PHF14: variants seen among roughly 807,000 people sequenced by gnomAD.
The protein encoded by PHF14 is PHD finger protein 14.
A neutral mutation model predicts 117.9 loss-of-function variants in PHF14; 55 were observed. The ratio of observed to expected loss-of-function variants is 0.47; its 90% CI spans 0.38 to 0.58. The LOEUF is 0.58. PHF14 is among the 20% of genes least tolerant of loss of function. The pLI is 0.00. For missense variants in PHF14, 978 were observed against 1,122.2 expected (o/e 0.87, Z 1.84); for synonymous variants, 409 against 368.6 (o/e 1.11, Z -1.26).
intron 16 of PHF14, among the ~76,000 whole-genome samples, chr7:11,068,349 C>CA (rs10659513): frequency 0.056 from 3,711 of 65,688 alleles, 302 homozygotes; most frequent in Middle Eastern, 0.1. Context: ...GACTCCGTCT[C>CA]AAAAAAAAAA....
chr7:11,107,397 T>C (rs1787306598), intron 16 of PHF14: 1 of 845,404 alleles, frequency 1.2e-6, no homozygotes, highest in Non-Finnish European at 1.4e-6. Context: ...AAAGACCATA[T>C]ATTAAGCTAC....
intron 13 of PHF14, among the ~76,000 whole-genome samples, chr7:11,048,634 GTTA>G (rs1453500356): frequency 6.6e-6 from 1 of 152,148 alleles, no homozygotes; most frequent in East Asian, 1.9e-4. Flanking sequence ...TTTATTCTAG[GTTA>G]TTATTTCTTA....
At chr7:11,098,188 C>G (rs1258696279) in intron 16 of PHF14, among the ~76,000 whole-genome samples, 1 of 152,130 alleles carries the variant, frequency 6.6e-6, no homozygotes, top group Non-Finnish European at 1.5e-5. Flanking sequence ...TTTGATGATT[C>G]TGTTCAAAAC....
intron 17 of PHF14, among the ~76,000 whole-genome samples, chr7:11,117,952 C>G (rs1032955008): frequency 1.3e-5 from 2 of 151,684 alleles, no homozygotes; most frequent in African/African-American, 4.8e-5. Context: ...TTTTAAGTTT[C>G]TGGATTTTAT....
At chr7:11,017,839 C>G (rs1783585528) in intron 5 of PHF14, among the ~76,000 whole-genome samples, 1 of 152,028 alleles carries the variant, frequency 6.6e-6, no homozygotes, top group Non-Finnish European at 1.5e-5. Flanking sequence ...AGAAATTTTA[C>G]CCAGAGCAAT....
At chr7:11,010,096 C>G (rs1035494450) in intron 4 of PHF14, among the ~76,000 whole-genome samples, 21 of 152,010 alleles carry the variant, frequency 1.4e-4, no homozygotes, top group African/African-American at 5.1e-4. Context: ...TGTGTGGATG[C>G]ACATTTTATC....
chr7:11,068,086 C>T lies in PHF14; in HGVS notation c.2654+6001C>T, dbSNP rs376409700. ...AAATTCTGGGCCGGGTGCGGTGGCT[C>T]ACGCCTGTAATCCCAGCACTTCGGA... On this transcript the variant is annotated intron_variant, in intron 16 of 17. Coordinates refer to ENST00000634607, the MANE Select transcript of PHF14 (RefSeq NM_001007157.2). Among the ~76,000 whole-genome samples, 17 of 152,250 alleles carry T rather than the reference C, an allele frequency of 1.1e-4. 1 individual carries two copies. In the South Asian group the frequency reaches 1.7e-3, roughly 15 times the overall value.
At chr7:11,038,568 G>C (rs1784390796) in intron 10 of PHF14, among the ~76,000 whole-genome samples, 192 bp from the exon 11 acceptor site, 1 of 151,404 alleles carries the variant, frequency 6.6e-6, no homozygotes, top group Non-Finnish European at 1.5e-5. Context: ...TGCAGCAGGA[G>C]AATCGCTTGA....
Position 11,148,163 on chromosome 7 carries a change from T to C in PHF14, c.2773-21253T>C, listed in dbSNP as rs111756524. On this transcript the variant is annotated intron_variant, in intron 17 of 17. Coordinates refer to ENST00000634607, the MANE Select transcript of PHF14 (RefSeq NM_001007157.2). The stretch of plus-strand genomic sequence containing the variant: ...CTGCTTCCTTATCTCTGTATTTGTG[T>C]TCTTTCCTAATTTCTACCCATCTTT... 3.5e-4 allele frequency among the ~76,000 whole-genome samples: 54 copies of C among 152,348 alleles called. 1 individual carries two copies. Among genetic ancestry groups the C allele is most frequent in the African/African-American group, 1.3e-3 (53 of 41,590 alleles).
intron 8 of PHF14, 68 bp downstream of exon 8, chr7:11,035,854 T>G (rs1784306247): frequency 8.3e-7 from 1 of 1,207,670 alleles, no homozygotes. Flanking sequence ...ACGTCTCGTG[T>G]GGCTTCCAGT....
At chr7:10,992,112 G>T (rs1333666626) in intron 4 of PHF14, among the ~76,000 whole-genome samples, 1 of 151,476 alleles carries the variant, frequency 6.6e-6, no homozygotes, top group African/African-American at 2.4e-5. Flanking sequence ...GGAGTGCAGC[G>T]ACACAATCTC....
chr7:11,004,120 C>T (rs910052000), intron 4 of PHF14, among the ~76,000 whole-genome samples: 7 of 151,732 alleles, frequency 4.6e-5, no homozygotes, highest in Admixed American at 1.3e-4. Flanking sequence ...TGGTGGCTTG[C>T]GCCTGTAGTC....
rs56043099 is a variant in PHF14, at chr7:11,034,539, A to ATTTTT, written c.1456-1078_1456-1074dup. On this transcript the variant is annotated intron_variant, in intron 7 of 17. Transcript: ENST00000634607. ...ACAGGGCTTAGAATTTCTTAATTCT[A>ATTTTT]TTTTTTTTTTTTTTTTTTTTTTTTT... Among the ~76,000 whole-genome samples, 40 of 63,100 alleles carry ATTTTT rather than the reference A, an allele frequency of 6.3e-4. 4 individuals are homozygous for ATTTTT. The highest frequency in any genetic ancestry group is 1.1e-3 in the East Asian group (2 of 1,874). 41.4% of individuals were successfully genotyped at this position (63,100 alleles called of 152,430 possible).
chr7:11,036,193 ACT>A (rs1463476752), intron 8 of PHF14, among the ~76,000 whole-genome samples: 1 of 152,130 alleles, frequency 6.6e-6, no homozygotes, highest in Non-Finnish European at 1.5e-5. Flanking sequence ...GTTTCTCAAA[ACT>A]CTGATTATAA....
intron 16 of PHF14, chr7:11,107,365 C>A: frequency 1.1e-6 from 1 of 896,536 alleles, no homozygotes; most frequent in Non-Finnish European, 1.3e-6. Flanking sequence ...TTTATTTGGT[C>A]ACTACATTTT....
At chr7:11,165,511 T>C (rs1789175886) in intron 17 of PHF14, among the ~76,000 whole-genome samples, 1 of 152,186 alleles carries the variant, frequency 6.6e-6, no homozygotes, top group Non-Finnish European at 1.5e-5. Context: ...GTAATCCTTT[T>C]ATATAAAGGA....
intron 17 of PHF14, among the ~76,000 whole-genome samples, chr7:11,132,647 T>A (rs1392821185): frequency 6.6e-6 from 1 of 151,836 alleles, no homozygotes; most frequent in Non-Finnish European, 1.5e-5. Context: ...TTTCTATTTT[T>A]AATTTATTTA....
chr7:11,082,742 CTAT>C (rs1330978786), intron 16 of PHF14, among the ~76,000 whole-genome samples: 3 of 152,182 alleles, frequency 2.0e-5, no homozygotes, highest in African/African-American at 7.2e-5. Context: ...TTCCACTCAG[CTAT>C]GTCAGGAGCC....
chr7:11,016,513 A>C (rs1429451054), intron 5 of PHF14, among the ~76,000 whole-genome samples: 2 of 152,118 alleles, frequency 1.3e-5, no homozygotes, highest in African/African-American at 4.8e-5. Flanking sequence ...TTAAATTTTT[A>C]TTTTATATCT....
Sources: allele counts gnomAD v4.1 joint callset (sites outside exome capture counted in the v4.1 genomes callset), GRCh38; gene constraint gnomAD v4.1.1; transcripts MANE v1.5; gene names NCBI Gene and HGNC (gene_info 2026-07-23, HGNC 2026-07-21).